XK: variants seen among roughly 807,000 people sequenced by gnomAD.
The protein encoded by XK is endoplasmic reticulum membrane adapter protein XK.
Under a neutral mutation model 14.0 loss-of-function variants are expected in XK, and 2 were observed. The observed-to-expected ratio is 0.14, with a 90% CI of 0.06 to 0.45. The LOEUF (loss-of-function observed/expected upper bound fraction) is 0.45, where lower values mean the gene tolerates loss of function less well. Among genes scored for constraint, XK ranks in the 20% least tolerant of loss-of-function variants. The pLI is 0.98. For missense variants in XK, 235 were observed against 341.5 expected (o/e 0.69, Z 2.46); for synonymous variants, 149 against 147.5 (o/e 1.01, Z -0.08).
rs1928024882 is a variant in XK at position 37,728,532 on chromosome X, T to G, written c.*70T>G. ...TGATACTCGTTATTCATACAAATAA[T>G]GAGCCCTACACAGGGAACAAGGCAG... is the stretch of plus-strand genomic sequence containing the variant. On this transcript the variant is annotated 3_prime_UTR_variant, in exon 3 of 3. Transcript: ENST00000378616. 4 of 1,069,835 alleles carry G rather than the reference T, an allele frequency of 3.7e-6. No homozygotes were observed. Among genetic ancestry groups the G allele is most frequent in the African/African-American group, 3.6e-5 (2 of 55,297 alleles). 88.2% of individuals were successfully genotyped at this position (1,069,835 alleles called of 1,213,427 possible).
At chrX:37,695,863 C>A (rs1927297016) in intron 2 of XK, among the ~76,000 whole-genome samples, 1 of 111,909 alleles carries the variant, frequency 8.9e-6, no homozygotes, top group South Asian at 3.7e-4. Flanking sequence ...TCCGCAACAC[C>A]TGGTAGGGAG....
chrX:37,699,162 T>TCA (rs1927361132), intron 2 of XK, among the ~76,000 whole-genome samples: 1 of 112,359 alleles, frequency 8.9e-6, no homozygotes, highest in East Asian at 2.8e-4. Flanking sequence ...ACTGGAATAG[T>TCA]CAGAGTGGAT....
At chrX:37,711,330 A>G in intron 2 of XK, among the ~76,000 whole-genome samples, 1 of 112,008 alleles carries the variant, frequency 8.9e-6, no homozygotes, top group East Asian at 2.8e-4. Context: ...TATCTCGAGC[A>G]TGTGTCGCAG....
At chrX:37,691,401 C>T (rs782755721) in intron 1 of XK, among the ~76,000 whole-genome samples, 2 of 112,514 alleles carry the variant, frequency 1.8e-5, no homozygotes, top group South Asian at 3.6e-4. Flanking sequence ...AAAATAAAAG[C>T]TCTCATTTGA....
At chrX:37,701,661 T>A (rs1398613947) in intron 2 of XK, among the ~76,000 whole-genome samples, 1 of 112,675 alleles carries the variant, frequency 8.9e-6, no homozygotes, top group Non-Finnish European at 1.9e-5. Context: ...TTCCCAAAGA[T>A]TGAGTCCACT....
intron 2 of XK, among the ~76,000 whole-genome samples, chrX:37,697,257 G>A (rs1407562264): frequency 1.8e-5 from 2 of 112,170 alleles, no homozygotes; most frequent in African/African-American, 3.2e-5. Context: ...TTTCCCTTTT[G>A]TTATTTAAAC....
chrX:37,692,357 C>T (rs1556441588), intron 1 of XK, among the ~76,000 whole-genome samples: 1 of 111,521 alleles, frequency 9.0e-6, no homozygotes, highest in African/African-American at 3.3e-5. Context: ...GTAAACCACA[C>T]CCGCATTCAT....
intron 1 of XK, among the ~76,000 whole-genome samples, chrX:37,693,728 C>T (rs1725415628): frequency 8.9e-6 from 1 of 111,746 alleles, no homozygotes; most frequent in African/African-American, 3.3e-5. Context: ...GCAAGCTGCC[C>T]TGTGCTGGAG....
At chrX:37,710,751 G>A (rs984674467) in intron 2 of XK, among the ~76,000 whole-genome samples, 20 of 112,669 alleles carry the variant, frequency 1.8e-4, no homozygotes, top group African/African-American at 6.4e-4. Flanking sequence ...TTTTGAGAGG[G>A]AAGACAGTTG....
chrX:37,698,686 C>T (rs969301145), intron 2 of XK, among the ~76,000 whole-genome samples: 4 of 110,442 alleles, frequency 3.6e-5, no homozygotes, highest in Non-Finnish European at 7.6e-5. Flanking sequence ...GTTTCAGACC[C>T]TGTGCTGGTC....
intron 1 of XK, among the ~76,000 whole-genome samples, chrX:37,688,877 T>C (rs1927149174): frequency 8.9e-6 from 1 of 111,958 alleles, no homozygotes; most frequent in Non-Finnish European, 1.9e-5. Flanking sequence ...AGTGGGGTTA[T>C]GAGTGATAAT....
rs1382597940 is a variant in XK, at chrX:37,720,405, T to C, written c.509-7231T>C. On this transcript the variant is annotated intron_variant, in intron 2 of 2. Coordinates refer to ENST00000378616, the MANE Select transcript of XK (RefSeq NM_021083.4). ...GCTAGTATGGAAATCTTTTGCTTTT[T>C]GATGCCTTTTTTAGGGAATTCAAAA... is the stretch of plus-strand genomic sequence containing the variant. Among the ~76,000 whole-genome samples, 5 of 111,320 alleles carry C rather than the reference T, an allele frequency of 4.5e-5. No individual in the cohort carries two copies. The East Asian group carries it at 1.4e-3, about 31-fold the overall frequency.
rs1271018410 is a variant in XK, at chrX:37,720,116, CA to C, written c.509-7518del. On this transcript the variant is annotated intron_variant, in intron 2 of 2. Transcript: ENST00000378616. ...CAGGATCATTATGGGGCCTGAATGT[CA>C]ATATTTGCTCCCATACCCACCAGCT... Among the ~76,000 whole-genome samples, 3 of 111,222 alleles carry C rather than the reference CA, an allele frequency of 2.7e-5. No individual in the cohort carries two copies. In the Admixed American group the frequency reaches 2.9e-4, roughly 11 times the overall value.
chrX:37,698,964 C>T (rs782518294), intron 2 of XK, among the ~76,000 whole-genome samples: 2 of 111,872 alleles, frequency 1.8e-5, no homozygotes, highest in South Asian at 7.5e-4. Flanking sequence ...AAAGAGCATC[C>T]CAGGATTTCA....
intron 2 of XK, among the ~76,000 whole-genome samples, chrX:37,718,563 C>T (rs1171143138): frequency 9.0e-6 from 1 of 111,567 alleles, no homozygotes; most frequent in Non-Finnish European, 1.9e-5. Flanking sequence ...CCTTTTAGTA[C>T]ACATATATAT....
chrX:37,700,740 A>G, intron 2 of XK, among the ~76,000 whole-genome samples: 1 of 111,099 alleles, frequency 9.0e-6, no homozygotes, highest in Non-Finnish European at 1.9e-5. Flanking sequence ...GCTGGGACCT[A>G]GGGTGGAGCT....
At chrX:37,723,432 A>T (rs1556449380) in intron 2 of XK, among the ~76,000 whole-genome samples, 2 of 111,416 alleles carry the variant, frequency 1.8e-5, no homozygotes, top group African/African-American at 6.5e-5. Flanking sequence ...TCTATCTGTG[A>T]CATTTTGTAG....
intron 2 of XK, among the ~76,000 whole-genome samples, chrX:37,710,217 A>T (rs1556446402): frequency 8.9e-6 from 1 of 111,838 alleles, no homozygotes; most frequent in East Asian, 2.8e-4. Context: ...ACAAAACAGA[A>T]ACACAAAATT....
rs990355652 is a variant in XK, at chrX:37,700,487, A to T, written c.508+5939A>T. On this transcript the variant is annotated intron_variant, in intron 2 of 2. Coordinates refer to ENST00000378616, the MANE Select transcript of XK (RefSeq NM_021083.4). Reference sequence around the variant, plus strand: ...ATTTTGGGTTGGAGGTGTCCTTGAGACATCCAGGAGAAGCTATCCCATAGA... The same window carrying T: ...ATTTTGGGTTGGAGGTGTCCTTGAGTCATCCAGGAGAAGCTATCCCATAGA... 3.6e-5 allele frequency among the ~76,000 whole-genome samples: 4 copies of T among 112,228 alleles called. No homozygotes were observed. The East Asian group carries it at 1.1e-3, about 31-fold the overall frequency.
Sources: gnomAD v4.1 joint callset for allele counts (sites outside exome capture counted in the v4.1 genomes callset) on GRCh38, gnomAD v4.1.1 for gene constraint, MANE v1.5 for transcripts, NCBI Gene and HGNC (gene_info 2026-07-23, HGNC 2026-07-21) for gene names.